RGS12: variants seen among roughly 807,000 people sequenced by gnomAD.
RGS12 encodes the protein regulator of G-protein signaling 12.
In RGS12, 66 loss-of-function variants were observed where a neutral mutation model predicts 120.1. That is an observed-to-expected ratio of 0.55 (90% CI 0.45 to 0.67). The LOEUF (loss-of-function observed/expected upper bound fraction) is 0.67, where lower values mean the gene tolerates loss of function less well. Ranked by LOEUF, RGS12 falls within the 30% of genes least tolerant of loss-of-function variation. The probability of loss-of-function intolerance (pLI) is 0.00; values close to 1 mark genes in which losing one functional copy is unlikely to be tolerated. For missense variants in RGS12, 1,859 were observed against 1,957.7 expected, an observed-to-expected ratio of 0.95 and a Z score of 0.95; for synonymous variants, 827 against 804.7, an observed-to-expected ratio of 1.03 and a Z score of -0.47.
At chr4:3,328,069 T>C (rs997685159) in intron 2 of RGS12, among the ~76,000 whole-genome samples, 1 of 152,230 alleles carries the variant, frequency 6.6e-6, no homozygotes, top group African/African-American at 2.4e-5. Context: ...ATCAAAAGAA[T>C]GAAATCTTGT....
intron 3 of RGS12, among the ~76,000 whole-genome samples, chr4:3,353,627 G>T (rs957557663): frequency 4.6e-5 from 7 of 152,160 alleles, no homozygotes; most frequent in African/African-American, 1.7e-4. Flanking sequence ...TGTGCCACGG[G>T]CTTCTCCTTG....
rs1343571035 is a variant in RGS12, at chr4:3,366,319, G to A, written c.1999-20097G>A. Reference sequence around the variant, plus strand: ...AGGAGGATGGGAGAGCCCAGCTGGGGGAGATTTGAGGGCCCTGCCCATAGA... The same window carrying A: ...AGGAGGATGGGAGAGCCCAGCTGGGAGAGATTTGAGGGCCCTGCCCATAGA... On this transcript the variant is annotated intron_variant, in intron 3 of 17. Coordinates refer to ENST00000336727, the MANE Select transcript of RGS12 (RefSeq NM_001394154.1). The surrounding 1 kb of genome is among the most constrained non-coding windows in gnomAD (Gnocchi z 4.0). Among the ~76,000 whole-genome samples, 1 of 152,164 alleles carries A rather than the reference G, an allele frequency of 6.6e-6. No individual in the cohort carries two copies. Among genetic ancestry groups the A allele is most frequent in the Non-Finnish European group, 1.5e-5 (1 of 68,006 alleles).
At chr4:3,408,662 T>A (rs181936586) in intron 4 of RGS12, among the ~76,000 whole-genome samples, 1 of 152,324 alleles carries the variant, frequency 6.6e-6, no homozygotes, top group East Asian at 1.9e-4. Context: ...AGGTCCCGTC[T>A]GTGCCCTCGG....
At position 3,309,096 on chromosome 4, in the gene RGS12, G is replaced by T. The variant is rs527570984; in HGVS notation, c.-101-6974G>T. Among the ~76,000 whole-genome samples, 11 of 122,456 alleles carry T rather than the reference G, an allele frequency of 9.0e-5. No homozygotes were observed. In the East Asian group the frequency reaches 2.4e-3, roughly 27 times the overall value. 80.3% of individuals were successfully genotyped at this position (122,456 alleles called of 152,430 possible). Reference sequence around the variant, plus strand: ...TGGGACTCGGGAATGGCAGGTGTCTGCTGAGGGGAACCGTGTTGAGGAGGA... The same window carrying T: ...TGGGACTCGGGAATGGCAGGTGTCTTCTGAGGGGAACCGTGTTGAGGAGGA... On this transcript the variant is annotated intron_variant, in intron 1 of 17. Transcript: ENST00000336727.
chr4:3,298,333 T>C (rs533118724), intron 1 of RGS12, among the ~76,000 whole-genome samples: 1 of 152,326 alleles, frequency 6.6e-6, no homozygotes, highest in African/African-American at 2.4e-5. Flanking sequence ...TCTCATCTTG[T>C]TGATCTCTTT....
intron 1 of RGS12, among the ~76,000 whole-genome samples, chr4:3,298,106 A>C (rs1723480562): frequency 6.6e-6 from 1 of 152,178 alleles, no homozygotes; most frequent in Non-Finnish European, 1.5e-5. Flanking sequence ...TCCTGCCTCA[A>C]GCTCATAGAA....
At chr4:3,428,416 C>T in intron 15 of RGS12, 142 bp from the exon 16 acceptor site, 1 of 808,832 alleles carries the variant, frequency 1.2e-6, no homozygotes, top group Non-Finnish European at 2.0e-6. Flanking sequence ...TAATCCTTAT[C>T]ATTGCAATGG....
chr4:3,362,553 G>T (rs1330961801), intron 3 of RGS12, among the ~76,000 whole-genome samples: 2 of 141,456 alleles, frequency 1.4e-5, no homozygotes, highest in African/African-American at 5.3e-5. Flanking sequence ...GTGTGAGGGT[G>T]TGTGTGATGT....
intron 2 of RGS12, among the ~76,000 whole-genome samples, chr4:3,322,651 A>G (rs1371013203): frequency 2.0e-5 from 3 of 152,244 alleles, no homozygotes; most frequent in African/African-American, 7.2e-5. Flanking sequence ...TAAAATTTCC[A>G]TACAATGGAT....
intron 14 of RGS12, 81 bp from the exon 15 acceptor site, chr4:3,428,007 CAG>C: frequency 2.3e-6 from 3 of 1,322,658 alleles, no homozygotes; most frequent in East Asian, 2.3e-5. Context: ...GCTTTGCTCT[CAG>C]AGACAGTAGG....
At position 3,386,397 on chromosome 4, in the gene RGS12, T is replaced by C. The variant is rs367987221; in HGVS notation, c.1999-19T>C. ...TCATGAGGCTTAATTAACTCATGTC[T>C]CTCTCTCTTTTCTTTCAGTCTGCAA... On this transcript the variant is annotated intron_variant, in intron 3 of 17. Coordinates refer to ENST00000336727, the MANE Select transcript of RGS12 (RefSeq NM_001394154.1). The C allele has an allele frequency of 1.9e-5, 30 of 1,610,808 alleles. No individual in the cohort carries two copies. The highest frequency in any genetic ancestry group is 5.0e-5 in the Admixed American group (3 of 60,000).
rs1667154986 is a variant in RGS12 at position 3,372,788 on chromosome 4, G to A, written c.1999-13628G>A. On this transcript the variant is annotated intron_variant, in intron 3 of 17. Transcript: ENST00000336727. The surrounding 1 kb of genome is among the most constrained non-coding windows in gnomAD (Gnocchi z 4.3). ...GATTTGTCTTCATTTCTCTCAGCAC[G>A]GGGTTGTCTTCAGGCTGCCAGAGCG... Among the ~76,000 whole-genome samples the A allele has an allele frequency of 6.6e-6, 1 of 151,722 alleles. No homozygotes were observed. The highest frequency in any genetic ancestry group is 2.4e-5 in the African/African-American group (1 of 41,234).
Position 3,400,682 on chromosome 4 carries a change from G to GTATTAGTATTAGTAATACTAATTGCT in RGS12, c.2021-13370_2021-13345dup, listed in dbSNP as rs1240970311. ...CTAGCTAGTATTACTATTAGAATTAGTATTAGTATTAGTAATACTAATTGC... is the reference window on the plus strand; with the variant it reads ...CTAGCTAGTATTACTATTAGAATTAGTATTAGTATTAGTAATACTAATTGCTTATTAGTATTAGTAATACTAATTGC... On this transcript the variant is annotated intron_variant, in intron 4 of 17. Transcript: ENST00000336727. Among the ~76,000 whole-genome samples the GTATTAGTATTAGTAATACTAATTGCT allele has an allele frequency of 3.1e-3, 454 of 148,388 alleles. 3 individuals carry two copies. The highest frequency in any genetic ancestry group is 0.029 in the Middle Eastern group (8 of 278).
intron 2 of RGS12, among the ~76,000 whole-genome samples, chr4:3,337,051 A>C (rs1712556881): frequency 6.6e-6 from 1 of 152,240 alleles, no homozygotes; most frequent in African/African-American, 2.4e-5. Context: ...ACTTGAATAG[A>C]CGTTTCTCCA....
chr4:3,427,242 A>G (rs542885092), intron 14 of RGS12, among the ~76,000 whole-genome samples: 1 of 152,186 alleles, frequency 6.6e-6, no homozygotes, highest in African/African-American at 2.4e-5. Flanking sequence ...CTCTGTGCCC[A>G]GGGCCTGCTG....
At position 3,365,276 on chromosome 4, in the gene RGS12, C is replaced by T. The variant is rs937855922; in HGVS notation, c.1999-21140C>T. On this transcript the variant is annotated intron_variant, in intron 3 of 17. Transcript: ENST00000336727. The surrounding 1 kb of genome is among the most constrained non-coding windows in gnomAD (Gnocchi z 4.0). ...TCCGTCTGCTGTTTTCATGCTACAGCGGCAGAGTGGGGTCGAGTGCGTGGT... is the reference window on the plus strand; with the variant it reads ...TCCGTCTGCTGTTTTCATGCTACAGTGGCAGAGTGGGGTCGAGTGCGTGGT... 2.0e-5 allele frequency among the ~76,000 whole-genome samples: 3 copies of T among 152,120 alleles called. No individual in the cohort carries two copies. Among genetic ancestry groups the T allele is most frequent in the African/African-American group, 4.8e-5 (2 of 41,428 alleles).
intron 14 of RGS12, 128 bp from the exon 15 acceptor site, chr4:3,427,962 A>C: frequency 1.1e-6 from 1 of 878,498 alleles, no homozygotes; most frequent in Non-Finnish European, 1.9e-6. Context: ...GTGCGTGGTG[A>C]ATAAGGGCAG....
In RGS12 at chr4:3,372,135, G is replaced by A. The variant is rs533579137; in HGVS notation, c.1999-14281G>A. 7.9e-5 allele frequency among the ~76,000 whole-genome samples: 12 copies of A among 152,348 alleles called. No individual in the cohort carries two copies. In the East Asian group the frequency reaches 2.3e-3, roughly 29 times the overall value. On this transcript the variant is annotated intron_variant, in intron 3 of 17. Transcript: ENST00000336727. This position sits in a 1 kb window ranked among gnomAD's most constrained non-coding sequence, Gnocchi z 4.3. The stretch of plus-strand genomic sequence containing the variant: ...GGCTCTGACACTAGTTAGATGCTGA[G>A]AGGAGGCACGGAGACCCCAGCCCCA...
chr4:3,287,774 G>T, the RGS12 span, among the ~76,000 whole-genome samples: 1 of 152,204 alleles, frequency 6.6e-6, no homozygotes, highest in Non-Finnish European at 1.5e-5. Flanking sequence ...CACAACACGG[G>T]CACAGGAGGC....
Sources: gnomAD v4.1 joint callset for allele counts (sites outside exome capture counted in the v4.1 genomes callset) on GRCh38, gnomAD v4.1.1 for gene constraint, Gnocchi (gnomAD v3.1) non-coding constraint, MANE v1.5 for transcripts, NCBI Gene and HGNC (gene_info 2026-07-23, HGNC 2026-07-21) for gene names.